The following MEIS2 variants were observed in gnomAD, a reference collection of about 807,000 sequenced individuals.
MEIS2 encodes the protein Meis homeobox 2, also known as homeobox protein Meis2.
A neutral mutation model predicts 58.6 loss-of-function variants in MEIS2; 9 were observed. The ratio of observed to expected loss-of-function variants is 0.15; its 90% CI spans 0.09 to 0.27. The LOEUF (loss-of-function observed/expected upper bound fraction) is 0.27, where lower values mean the gene tolerates loss of function less well. MEIS2 is among the 10% of genes least tolerant of loss of function. The pLI, the probability that MEIS2 is intolerant of heterozygous loss-of-function variation, is 1.00. For synonymous variants in MEIS2, 221 were observed against 228.4 expected (o/e 0.97, Z 0.29); for missense variants, 427 against 635.0 (o/e 0.67, Z 3.52).
chr15:36,979,284 C>G (rs2141499339), intron 8 of MEIS2, among the ~76,000 whole-genome samples: 1 of 152,012 alleles, frequency 6.6e-6, no homozygotes, highest in Admixed American at 6.6e-5. Flanking sequence ...ATTTGGGTAC[C>G]ATCCCCAAGA....
At chr15:37,013,486 C>T (rs1046835419) in intron 8 of MEIS2, among the ~76,000 whole-genome samples, 9 of 151,584 alleles carry the variant, frequency 5.9e-5, no homozygotes, top group African/African-American at 2.2e-4. Flanking sequence ...GCAGGAGAAT[C>T]ACTTGAACCC....
chr15:36,912,240 T>TA (rs2057065881), intron 9 of MEIS2, among the ~76,000 whole-genome samples: 1 of 152,204 alleles, frequency 6.6e-6, no homozygotes, highest in South Asian at 2.1e-4. Context: ...CTGGGTAAAT[T>TA]ACACACAAGA....
intron 8 of MEIS2, among the ~76,000 whole-genome samples, chr15:36,956,814 A>G (rs1203808231): frequency 6.6e-6 from 1 of 151,800 alleles, no homozygotes; most frequent in Non-Finnish European, 1.5e-5. Context: ...CTGAATAATA[A>G]ACATAGACCG....
At chr15:37,057,316 C>CAGG (rs1318920382) in intron 7 of MEIS2, among the ~76,000 whole-genome samples, 3 of 152,196 alleles carry the variant, frequency 2.0e-5, no homozygotes, top group Non-Finnish European at 4.4e-5. Flanking sequence ...TTCCACCTGC[C>CAGG]TCCTCAGAGT....
rs532871087 is a variant in MEIS2 at position 37,007,008 on chromosome 15, G to A, written c.900+29806C>T. ...TTTTACTAGCTGAGTAAGTCTAGAC[G>A]AATATATTTAATCTCTCTGGGCATT... On this transcript the variant is annotated intron_variant, in intron 8 of 11. Transcript: ENST00000561208. 3.9e-5 allele frequency among the ~76,000 whole-genome samples: 6 copies of A among 152,324 alleles called. No homozygotes were observed. In the South Asian group the frequency reaches 6.2e-4, roughly 16 times the overall value.
intron 9 of MEIS2, among the ~76,000 whole-genome samples, chr15:36,925,882 G>T (rs2057728241): frequency 1.3e-5 from 2 of 152,120 alleles, no homozygotes; most frequent in African/African-American, 4.8e-5. Flanking sequence ...CTGTGAAATT[G>T]GTTTAATGAC....
chr15:36,921,975 A>G (rs1296727025), intron 9 of MEIS2, among the ~76,000 whole-genome samples: 1 of 152,222 alleles, frequency 6.6e-6, no homozygotes, highest in African/African-American at 2.4e-5. Flanking sequence ...AGAGTATCCA[A>G]GGACTTCCAT....
intron 8 of MEIS2, among the ~76,000 whole-genome samples, chr15:36,982,663 T>A (rs530768328): frequency 3.9e-4 from 60 of 152,208 alleles, no homozygotes; most frequent in Non-Finnish European, 7.2e-4. Context: ...TTTGGATATA[T>A]TCCCAGAAAT....
chr15:36,955,955 A>C (rs1473818580), intron 8 of MEIS2, among the ~76,000 whole-genome samples: 2 of 142,710 alleles, frequency 1.4e-5, no homozygotes, highest in East Asian at 4.4e-4. Flanking sequence ...AGGTGGGTGG[A>C]TTAAGAGGTC....
intron 9 of MEIS2, among the ~76,000 whole-genome samples, chr15:36,949,285 G>GA (rs2058675691): frequency 6.6e-6 from 1 of 151,766 alleles, no homozygotes; most frequent in Non-Finnish European, 1.5e-5. Flanking sequence ...AGAAAAATGA[G>GA]AAAAAAATGA....
In MEIS2 at chr15:37,098,177, C is replaced by T; in HGVS notation, c.35G>A (p.Gly12Asp). The change falls in exon 2 of 12, where the codon GGC (glycine) becomes GAC (aspartate). Residue 12 changes from glycine (G) to aspartate (D), a missense_variant. Coordinates refer to ENST00000561208, the MANE Select transcript of MEIS2 (RefSeq NM_170675.5). ...AQRYDELPHY[G>D]GMDGVGVPAS... ...GGGAACCCCTACTCCGTCCATCCCGCCGTAATGGGGCAGCTCATCGTACTG... is the reference window on the plus strand; with the variant it reads ...GGGAACCCCTACTCCGTCCATCCCGTCGTAATGGGGCAGCTCATCGTACTG... The T allele has an allele frequency of 6.2e-7, 1 of 1,605,750 alleles. No homozygotes were observed. Among genetic ancestry groups the T allele is most frequent in the South Asian group, 1.1e-5 (1 of 90,014 alleles).
chr15:36,966,602 G>T (rs2059366847), intron 8 of MEIS2, among the ~76,000 whole-genome samples: 1 of 152,144 alleles, frequency 6.6e-6, no homozygotes, highest in Non-Finnish European at 1.5e-5. Flanking sequence ...TTCTTATGAG[G>T]TTTAAATAAG....
At chr15:36,961,619 C>T (rs984477768) in intron 8 of MEIS2, among the ~76,000 whole-genome samples, 2 of 151,796 alleles carry the variant, frequency 1.3e-5, no homozygotes, top group African/African-American at 4.8e-5. Flanking sequence ...TAATATGTGG[C>T]TTTTTTTTCC....
chr15:36,975,599 T>A (rs1281784055), intron 8 of MEIS2, among the ~76,000 whole-genome samples: 1 of 151,860 alleles, frequency 6.6e-6, no homozygotes, highest in East Asian at 1.9e-4. Flanking sequence ...TGTGCTTAGG[T>A]CACAAAGCTA....
chr15:36,946,394 C>G (rs1394464450), intron 9 of MEIS2, among the ~76,000 whole-genome samples: 1 of 149,882 alleles, frequency 6.7e-6, no homozygotes, highest in Admixed American at 6.7e-5. Context: ...GTTCCCTAAT[C>G]TTACCTCCCT....
At chr15:36,964,812 T>G (rs1364367741) in intron 8 of MEIS2, among the ~76,000 whole-genome samples, 1 of 152,188 alleles carries the variant, frequency 6.6e-6, no homozygotes, top group East Asian at 1.9e-4. Context: ...TGTCATCAGG[T>G]CACACTTCAG....
intron 9 of MEIS2, among the ~76,000 whole-genome samples, chr15:36,916,317 C>T (rs1235850757): frequency 3.3e-5 from 5 of 151,434 alleles, no homozygotes; most frequent in East Asian, 1.9e-4. Context: ...GTCCCAACTA[C>T]GCAGGAGGCT....
intron 10 of MEIS2, among the ~76,000 whole-genome samples, chr15:36,895,482 G>A (rs924057677): frequency 3.3e-5 from 5 of 152,132 alleles, no homozygotes; most frequent in African/African-American, 9.7e-5. Flanking sequence ...AGTTTCCCAG[G>A]GGGTTCGTCC....
chr15:37,072,495 C>T (rs1890838386), intron 7 of MEIS2, among the ~76,000 whole-genome samples: 1 of 152,072 alleles, frequency 6.6e-6, no homozygotes, highest in Non-Finnish European at 1.5e-5. Flanking sequence ...CCTCTCCAGC[C>T]TCTTTTTTTT....
Sources: gnomAD v4.1 joint callset for allele counts (sites outside exome capture counted in the v4.1 genomes callset) on GRCh38, gnomAD v4.1.1 for gene constraint, MANE v1.5 for transcripts, NCBI Gene and HGNC (gene_info 2026-07-23, HGNC 2026-07-21) for gene names.